BCAS3: variants seen among roughly 807,000 people sequenced by gnomAD.
The protein encoded by BCAS3 is BCAS3 microtubule associated cell migration factor.
In BCAS3, 53 loss-of-function variants were observed where a neutral mutation model predicts 116.1. The ratio of observed to expected loss-of-function variants is 0.46; its 90% CI spans 0.37 to 0.57. The LOEUF is 0.57. Ranked by LOEUF, BCAS3 falls within the 20% of genes least tolerant of loss-of-function variation. BCAS3 has a pLI of 0.00. For missense variants in BCAS3, 917 were observed against 1,165.4 expected, an observed-to-expected ratio of 0.79 and a Z score of 3.10; for synonymous variants, 391 against 408.2, an observed-to-expected ratio of 0.96 and a Z score of 0.51.
At chr17:60,795,926 G>A (rs1420702836) in intron 6 of BCAS3, among the ~76,000 whole-genome samples, 1 of 152,158 alleles carries the variant, frequency 6.6e-6, no homozygotes, top group African/African-American at 2.4e-5. Context: ...CTGACCTCAA[G>A]TGATCCACCC....
intron 14 of BCAS3, among the ~76,000 whole-genome samples, chr17:60,986,121 A>G (rs903527267): frequency 4.6e-5 from 7 of 152,252 alleles, no homozygotes; most frequent in Non-Finnish European, 1.0e-4. Flanking sequence ...ATTTCACTTA[A>G]CATAATAACC....
In BCAS3 at chr17:61,325,148, ACTCTGTGT is replaced by A. The variant is rs1334958165; in HGVS notation, c.2426-43171_2426-43164del. Among the ~76,000 whole-genome samples the A allele has an allele frequency of 6.6e-6, 1 of 151,892 alleles. No homozygotes were observed. Among genetic ancestry groups the A allele is most frequent in the East Asian group, 1.9e-4 (1 of 5,192 alleles). ...CTGATGGGAATTTTTTGAATGTTTG[ACTCTGTGT>A]CTCTGTGGACCACAACAGGACCACA... On this transcript the variant is annotated intron_variant, in intron 22 of 23. Coordinates refer to ENST00000407086, the MANE Select transcript of BCAS3 (RefSeq NM_017679.5). This position sits in a 1 kb window ranked among gnomAD's most constrained non-coding sequence, Gnocchi z 6.4.
intron 22 of BCAS3, among the ~76,000 whole-genome samples, chr17:61,336,385 C>T (rs886651733): frequency 9.2e-5 from 14 of 152,192 alleles, no homozygotes; most frequent in African/African-American, 2.2e-4. Context: ...TATTAAATAT[C>T]GGAACAGACA....
intron 16 of BCAS3, among the ~76,000 whole-genome samples, chr17:61,018,612 A>G (rs926873248): frequency 6.6e-6 from 1 of 151,958 alleles, no homozygotes; most frequent in African/African-American, 2.4e-5. Flanking sequence ...CCAAATGTTA[A>G]TAGATCAACT....
In BCAS3 at chr17:61,041,774, C is replaced by T. The variant is rs73324827; in HGVS notation, c.2029+882C>T. ...AGAAATATTTTATAGACTTTGCTCT[C>T]AAGTTATGAAACTCTATAACTGTAA... On this transcript the variant is annotated intron_variant, in intron 19 of 23. Coordinates refer to ENST00000407086, the MANE Select transcript of BCAS3 (RefSeq NM_017679.5). This position sits in a 1 kb window ranked among gnomAD's most constrained non-coding sequence, Gnocchi z 4.7. Among the ~76,000 whole-genome samples the T allele has an allele frequency of 0.014, 2,154 of 152,150 alleles. 59 individuals carry two copies. The highest frequency in any genetic ancestry group is 0.05 in the African/African-American group (2,075 of 41,528).
chr17:61,256,362 G>A lies in BCAS3; in HGVS notation c.2426-111965G>A, dbSNP rs931350148. The stretch of plus-strand genomic sequence containing the variant: ...TCTCTCGCCCAGGCTGGAGTGCAGC[G>A]GTGTGATCAAGGCTCACTGCAACCT... On this transcript the variant is annotated intron_variant, in intron 22 of 23. Transcript: ENST00000407086. The surrounding 1 kb of genome is among the most constrained non-coding windows in gnomAD (Gnocchi z 5.6). Among the ~76,000 whole-genome samples the A allele has an allele frequency of 5.3e-5, 8 of 152,030 alleles. No individual in the cohort carries two copies. The highest frequency in any genetic ancestry group is 2.1e-4 in the South Asian group (1 of 4,812).
At position 61,302,839 on chromosome 17, in the gene BCAS3, A is replaced by G. The variant is rs760062104; in HGVS notation, c.2426-65488A>G. Among the ~76,000 whole-genome samples the G allele has an allele frequency of 1.3e-5, 2 of 152,222 alleles. No individual in the cohort carries two copies. The highest frequency in any genetic ancestry group is 2.9e-5 in the Non-Finnish European group (2 of 68,032). ...GCAGTGAGACGGAACAGTTCTGGCCATAGGGAGGATGTAGGGTCTAGATCA... is the reference window on the plus strand; with the variant it reads ...GCAGTGAGACGGAACAGTTCTGGCCGTAGGGAGGATGTAGGGTCTAGATCA... On this transcript the variant is annotated intron_variant, in intron 22 of 23. Transcript: ENST00000407086. This position sits in a 1 kb window ranked among gnomAD's most constrained non-coding sequence, Gnocchi z 4.4.
intron 15 of BCAS3, among the ~76,000 whole-genome samples, chr17:61,010,550 G>A (rs749928093): frequency 1.3e-5 from 2 of 151,690 alleles, no homozygotes; most frequent in Non-Finnish European, 2.9e-5. Flanking sequence ...GGTTGAACCC[G>A]AAAGTGAATG....
At chr17:61,254,304 T>C (rs1317688116) in intron 22 of BCAS3, among the ~76,000 whole-genome samples, 1 of 152,224 alleles carries the variant, frequency 6.6e-6, no homozygotes, top group Non-Finnish European at 1.5e-5. Flanking sequence ...GCTTTCAGAA[T>C]GCTTAAACAA....
rs1485035160 is a variant in BCAS3, at chr17:61,355,344, G to A, written c.2426-12983G>A. ...AGAGCCTCGTGTTTGACTTATTTGT[G>A]GAGCACAGAAATCACAGGATTTAGC... On this transcript the variant is annotated intron_variant, in intron 22 of 23. Transcript: ENST00000407086. This position sits in a 1 kb window ranked among gnomAD's most constrained non-coding sequence, Gnocchi z 4.2. Among the ~76,000 whole-genome samples the A allele has an allele frequency of 1.3e-5, 2 of 152,004 alleles. No individual in the cohort carries two copies. The highest frequency in any genetic ancestry group is 2.9e-5 in the Non-Finnish European group (2 of 68,016).
chr17:61,033,517 A>G (rs1163153798), intron 16 of BCAS3, among the ~76,000 whole-genome samples: 1 of 152,202 alleles, frequency 6.6e-6, no homozygotes, highest in Non-Finnish European at 1.5e-5. Flanking sequence ...CTGGGATTCA[A>G]CTACATGTTT....
At position 60,752,113 on chromosome 17, in the gene BCAS3, C is replaced by T. The variant is rs78646403; in HGVS notation, c.403+4834C>T. ...TAACTTATATTATTATGTCCCAGGA[C>T]TGATTCAGTTTGTTTATATGTATTA... is the stretch of plus-strand genomic sequence containing the variant. On this transcript the variant is annotated intron_variant, in intron 6 of 23. Coordinates refer to ENST00000407086, the MANE Select transcript of BCAS3 (RefSeq NM_017679.5). Among the ~76,000 whole-genome samples the T allele has an allele frequency of 7.6e-4, 115 of 151,166 alleles. 1 individual carries two copies. The highest frequency in any genetic ancestry group is 9.3e-4 in the Non-Finnish European group (63 of 67,858).
At chr17:60,924,531 T>A (rs750660396) in intron 13 of BCAS3, 31 bp downstream of exon 13, 31 of 1,543,630 alleles carry the variant, frequency 2.0e-5, no homozygotes, top group Non-Finnish European at 2.3e-5. Flanking sequence ...TTTTTTTTTT[T>A]TTTTTGTAGA....
intron 7 of BCAS3, among the ~76,000 whole-genome samples, chr17:60,867,602 C>T (rs2054727330): frequency 6.6e-6 from 1 of 151,898 alleles, no homozygotes; most frequent in African/African-American, 2.4e-5. Context: ...ATCTAGAGAC[C>T]TTGGTAAATC....
intron 6 of BCAS3, among the ~76,000 whole-genome samples, chr17:60,779,524 A>AATG (rs2045609461): frequency 6.6e-6 from 1 of 151,862 alleles, no homozygotes; most frequent in African/African-American, 2.4e-5. Flanking sequence ...CATGTGCCAC[A>AATG]ACGCCTAGCT....
rs569523267 is a variant in BCAS3 at position 61,229,565 on chromosome 17, A to G, written c.2426-138762A>G. ...GAAGGACAGGCTGATACACAATGGC[A>G]ATTAAATGTCAACATTCATTTTGAA... On this transcript the variant is annotated intron_variant, in intron 22 of 23. Coordinates refer to ENST00000407086, the MANE Select transcript of BCAS3 (RefSeq NM_017679.5). The surrounding 1 kb of genome is among the most constrained non-coding windows in gnomAD (Gnocchi z 4.4). Among the ~76,000 whole-genome samples, 1 of 152,370 alleles carries G rather than the reference A, an allele frequency of 6.6e-6. No homozygotes were observed. The highest frequency in any genetic ancestry group is 1.9e-4 in the East Asian group (1 of 5,182).
chr17:60,948,118 T>G (rs1216609380), intron 14 of BCAS3, among the ~76,000 whole-genome samples: 1 of 152,122 alleles, frequency 6.6e-6, no homozygotes, highest in African/African-American at 2.4e-5. Context: ...TTTATTATTT[T>G]TTTTGAGTTG....
chr17:60,902,548 A>C (rs770616144), intron 10 of BCAS3, 72 bp from the exon 11 acceptor site: 1 of 1,264,868 alleles, frequency 7.9e-7, no homozygotes, highest in East Asian at 2.3e-5. Context: ...AATAAGCTCT[A>C]TCCTGATAGC....
intron 13 of BCAS3, among the ~76,000 whole-genome samples, chr17:60,932,216 G>A (rs1301033050): frequency 1.3e-5 from 2 of 151,544 alleles, no homozygotes; most frequent in African/African-American, 2.4e-5. Flanking sequence ...CAATGTGTTC[G>A]CTGTTAGAGG....
Sources: gnomAD v4.1 joint callset for allele counts (sites outside exome capture counted in the v4.1 genomes callset) on GRCh38, gnomAD v4.1.1 for gene constraint, Gnocchi (gnomAD v3.1) non-coding constraint, MANE v1.5 for transcripts, NCBI Gene and HGNC (gene_info 2026-07-23, HGNC 2026-07-21) for gene names.